The following TIMM29 variants were observed in gnomAD, a reference collection of about 807,000 sequenced individuals.
TIMM29 encodes translocase of inner mitochondrial membrane 29.
TIMM29 carries 23 observed loss-of-function variants against 19.5 expected under a neutral mutation model. The ratio of observed to expected loss-of-function variants is 1.18; its 90% CI spans 0.85 to 1.67. The LOEUF (loss-of-function observed/expected upper bound fraction) is 1.67, where lower values mean the gene tolerates loss of function less well. Among genes scored for constraint, TIMM29 ranks in the 40% most tolerant of loss-of-function variants. The pLI is 0.00. For missense variants in TIMM29, 404 were observed against 384.7 expected, an observed-to-expected ratio of 1.05 and a Z score of -0.42; for synonymous variants, 209 against 185.0, an observed-to-expected ratio of 1.13 and a Z score of -1.05.
Position 10,929,679 on chromosome 19 carries a change from G to T in TIMM29, c.760G>T (p.Val254Leu). 6.2e-7 allele frequency: 1 copy of T among 1,608,760 alleles called. No homozygotes were observed. ...CGCCCTGAGCCAGGCCCACTCGCTG[G>T]TGCAGGCGGAGGCCCCGAGATGAAA... ...RLALSQAHSLVQAEAPR is the reference protein window; with the variant it reads ...RLALSQAHSLLQAEAPR The change falls in exon 2 of 2, where the codon GTG (valine) becomes TTG (leucine). Residue 254 changes from valine (V) to leucine (L), a missense_variant. Transcript: ENST00000270502.
Position 10,929,417 on chromosome 19 carries a change from G to A in TIMM29, c.498G>A (p.Val166=), listed in dbSNP as rs756197771. The change falls in exon 2 of 2, where the codon GTG becomes GTA. Residue 166 remains valine, a synonymous_variant. Transcript: ENST00000270502. ...WTDFPGRVLD[V]GFVGRWWVLG... The stretch of plus-strand genomic sequence containing the variant: ...ACTTCCCCGGCCGGGTCCTGGACGT[G>A]GGCTTCGTGGGTCGCTGGTGGGTGC... 2.9e-5 allele frequency: 47 copies of A among 1,611,146 alleles called. No individual in the cohort carries two copies. In the South Asian group the frequency reaches 4.4e-4, roughly 15 times the overall value.
At position 10,929,471 on chromosome 19, in the gene TIMM29, C is replaced by T; in HGVS notation, c.552C>T (p.Ile184=). ...VLGAWMRDCD[I]NDDEFLHLPA... ...GGGCCTGGATGCGCGACTGCGACAT[C>T]AACGACGACGAATTCCTGCACCTGC... Residue 184 remains isoleucine (I), a synonymous_variant, in exon 2 of 2, where the codon ATC becomes ATT. Transcript: ENST00000270502. 6.2e-7 allele frequency: 1 copy of T among 1,612,972 alleles called. No homozygotes were observed. The highest frequency in any genetic ancestry group is 8.5e-7 in the Non-Finnish European group (1 of 1,180,012).
intron 1 of TIMM29, 30 bp downstream of exon 1, chr19:10,928,946 G>A: frequency 6.7e-7 from 1 of 1,489,032 alleles, no homozygotes; most frequent in African/African-American, 1.5e-5. Context: ...GGCAGGGTGG[G>A]TGGCCGCCGC....
Position 10,929,667 on chromosome 19 carries a change from G to A in TIMM29, c.748G>A (p.Ala250Thr), listed in dbSNP as rs2083479384. The A allele has an allele frequency of 1.2e-6, 2 of 1,611,552 alleles. No individual in the cohort carries two copies. Among genetic ancestry groups the A allele is most frequent in the Non-Finnish European group, 1.7e-6 (2 of 1,179,018 alleles). ...GAAGGACAGGCTCGCCCTGAGCCAG[G>A]CCCACTCGCTGGTGCAGGCGGAGGC... ...EKKDRLALSQ[A>T]HSLVQAEAPR Residue 250 changes from alanine (A) to threonine (T), a missense_variant, in exon 2 of 2, where the codon GCC (alanine) becomes ACC (threonine). By Grantham distance (58) the Ala-to-Thr change is moderately conservative (BLOSUM62 0). Transcript: ENST00000270502.
intron 1 of TIMM29, 25 bp downstream of exon 1, chr19:10,928,941 G>A: frequency 1.3e-6 from 2 of 1,493,180 alleles, no homozygotes; most frequent in South Asian, 1.3e-5. Context: ...AAGGCGGCAG[G>A]GTGGGTGGCC....
Position 10,929,264 on chromosome 19 carries a change from G to T in TIMM29, c.345G>T (p.Trp115Cys), listed in dbSNP as rs1356486486. The change falls in exon 2 of 2, where the codon TGG becomes TGT. Residue 115 changes from tryptophan (W) to cysteine (C), a missense_variant. Trp to Cys is a radical substitution (Grantham distance 215). Coordinates refer to ENST00000270502, the MANE Select transcript of TIMM29 (RefSeq NM_138358.4). ...AAGCCTTCGTGCAGAGGCTGCTCTG[G>T]CTGCGGGGCCGTGGCCGCCTGCGCT... ...ESEAFVQRLL[W>C]LRGRGRLRYV... 1.3e-6 allele frequency: 2 copies of T among 1,536,254 alleles called. No homozygotes were observed. The highest frequency in any genetic ancestry group is 4.9e-5 in the East Asian group (2 of 40,806).
At position 10,929,837 on chromosome 19, in the gene TIMM29, C is replaced by A. The variant is rs1267683313; in HGVS notation, c.*135C>A. 5.2e-6 allele frequency: 5 copies of A among 970,092 alleles called. No individual in the cohort carries two copies. Among genetic ancestry groups the A allele is most frequent in the Admixed American group, 2.9e-5 (1 of 34,280 alleles). The allele number at this position is 970,092 out of a possible 1,614,324, so 60.1% of individuals were successfully genotyped here. ...ACTGGATTTGCACAAGTTTGGGGAG[C>A]CTTTCTGCCCCCCGTCTTTGTTCTT... On this transcript the variant is annotated 3_prime_UTR_variant, in exon 2 of 2. Transcript: ENST00000270502.
chr19:10,929,686 C>T lies in TIMM29; in HGVS notation c.767C>T (p.Ala256Val), dbSNP rs1218331529. 6 of 1,604,378 alleles carry T rather than the reference C, an allele frequency of 3.7e-6. No homozygotes were observed. Among genetic ancestry groups the T allele is most frequent in the Non-Finnish European group, 5.1e-6 (6 of 1,175,060 alleles). ...AGCCAGGCCCACTCGCTGGTGCAGG[C>T]GGAGGCCCCGAGATGAAACCCTGAG... The part of the protein sequence containing the change: ...ALSQAHSLVQ[A>V]EAPR Residue 256 changes from alanine (A) to valine (V), a missense_variant, in exon 2 of 2, where the codon GCG becomes GTG. Coordinates refer to ENST00000270502, the MANE Select transcript of TIMM29 (RefSeq NM_138358.4).
rs1165539959 is a variant in TIMM29 at position 10,929,706 on chromosome 19, C to T, written c.*4C>T. The T allele has an allele frequency of 3.2e-6, 5 of 1,584,548 alleles. No homozygotes were observed. Among genetic ancestry groups the T allele is most frequent in the South Asian group, 2.3e-5 (2 of 88,694 alleles). On this transcript the variant is annotated 3_prime_UTR_variant, in exon 2 of 2. Transcript: ENST00000270502. ...GCAGGCGGAGGCCCCGAGATGAAAC[C>T]CTGAGGCCCCCGAGTCCTGGCAAAC...
Position 10,929,560 on chromosome 19 carries a change from A to G in TIMM29, c.641A>G (p.Asp214Gly). The change falls in exon 2 of 2, where the codon GAT (aspartate) becomes GGT (glycine). Residue 214 changes from aspartate (D) to glycine (G), a missense_variant. Physicochemically the swap from Asp to Gly is moderately conservative, Grantham distance 94. Transcript: ENST00000270502. ...LHSETNERLFDEKYKPVVLTD... is the reference protein window; with the variant it reads ...LHSETNERLFGEKYKPVVLTD... Reference sequence around the variant, plus strand: ...TCCGAGACCAACGAGCGGCTCTTCGATGAGAAGTACAAGCCTGTCGTGCTC... The same window carrying G: ...TCCGAGACCAACGAGCGGCTCTTCGGTGAGAAGTACAAGCCTGTCGTGCTC... 2 of 1,612,974 alleles carry G rather than the reference A, an allele frequency of 1.2e-6. No individual in the cohort carries two copies. Among genetic ancestry groups the G allele is most frequent in the East Asian group, 2.2e-5 (1 of 44,880 alleles).
Position 10,929,853 on chromosome 19 carries a change from C to G in TIMM29, c.*151C>G, listed in dbSNP as rs2083481078. 1 of 876,926 alleles carries G rather than the reference C, an allele frequency of 1.1e-6. No homozygotes were observed. Among genetic ancestry groups the G allele is most frequent in the African/African-American group, 1.7e-5 (1 of 59,150 alleles). The allele number at this position is 876,926 out of a possible 1,614,324, so 54.3% of individuals were successfully genotyped here. A position where few individuals can be genotyped will look rare whatever the true frequency, so the allele number is the denominator to read the frequency against. On this transcript the variant is annotated 3_prime_UTR_variant, in exon 2 of 2. Transcript: ENST00000270502. ...TTTGGGGAGCCTTTCTGCCCCCCGT[C>G]TTTGTTCTTTATTAGCTGAAGCTAA...
rs549144776 is a variant in TIMM29 at position 10,929,308 on chromosome 19, G to C, written c.389G>C (p.Cys130Ser). Residue 130 changes from cysteine (C) to serine (S), a missense_variant, in exon 2 of 2, where the codon TGC becomes TCC. By Grantham distance (112) the Cys-to-Ser change is moderately radical. Transcript: ENST00000270502. ...GRLRYVNLGL[C>S]SLVYEAPFDA... Reference sequence around the variant, plus strand: ...CTGCGCTACGTCAACCTGGGGCTCTGCTCGCTGGTGTACGAGGCGCCCTTC... The same window carrying C: ...CTGCGCTACGTCAACCTGGGGCTCTCCTCGCTGGTGTACGAGGCGCCCTTC... The C allele has an allele frequency of 6.5e-7, 1 of 1,548,914 alleles. No individual in the cohort carries two copies. The highest frequency in any genetic ancestry group is 1.4e-5 in the African/African-American group (1 of 73,472).
At position 10,929,855 on chromosome 19, in the gene TIMM29, TTG is replaced by T. The variant is rs1280198231; in HGVS notation, c.*155_*156del. 9 of 855,642 alleles carry T rather than the reference TTG, an allele frequency of 1.1e-5. No homozygotes were observed. Among genetic ancestry groups the T allele is most frequent in the Non-Finnish European group, 1.6e-5 (9 of 571,894 alleles). 53.0% of individuals were successfully genotyped at this position (855,642 alleles called of 1,614,324 possible). A position where few individuals can be genotyped will look rare whatever the true frequency, so the allele number is the denominator to read the frequency against. The stretch of plus-strand genomic sequence containing the variant: ...TGGGGAGCCTTTCTGCCCCCCGTCT[TTG>T]TTCTTTATTAGCTGAAGCTAATTCA... On this transcript the variant is annotated 3_prime_UTR_variant, in exon 2 of 2. Coordinates refer to ENST00000270502, the MANE Select transcript of TIMM29 (RefSeq NM_138358.4).
Position 10,929,886 on chromosome 19 carries a change from C to A in TIMM29, c.*184C>A. The A allele has an allele frequency of 3.0e-6, 2 of 661,768 alleles. No individual in the cohort carries two copies. Among genetic ancestry groups the A allele is most frequent in the Non-Finnish European group, 5.0e-6 (2 of 398,490 alleles). The allele number at this position is 661,768 out of a possible 1,614,324, so 41.0% of individuals were successfully genotyped here. On this transcript the variant is annotated 3_prime_UTR_variant, in exon 2 of 2. Transcript: ENST00000270502. ...TTTATTAGCTGAAGCTAATTCAGAG[C>A]CACCTGGGTCCGGGAGTTGGGGACA...
rs2083479301 is a variant in TIMM29, at chr19:10,929,662, G to A, written c.743G>A (p.Ser248Asn). ...GAGAAGAAGGACAGGCTCGCCCTGA[G>A]CCAGGCCCACTCGCTGGTGCAGGCG... ...QKEKKDRLAL[S>N]QAHSLVQAEA... Residue 248 changes from serine to asparagine, a missense_variant, in exon 2 of 2, where the codon AGC becomes AAC. Physicochemically the swap from Ser to Asn is conservative, Grantham distance 46. Coordinates refer to ENST00000270502, the MANE Select transcript of TIMM29 (RefSeq NM_138358.4). 1.2e-6 allele frequency: 2 copies of A among 1,612,196 alleles called. No homozygotes were observed. Among genetic ancestry groups the A allele is most frequent in the East Asian group, 4.5e-5 (2 of 44,838 alleles).
In TIMM29 at chr19:10,929,006, C is replaced by T; in HGVS notation, c.95-8C>T. The T allele has an allele frequency of 6.8e-7, 1 of 1,459,906 alleles. No individual in the cohort carries two copies. Among genetic ancestry groups the T allele is most frequent in the Non-Finnish European group, 8.9e-7 (1 of 1,121,496 alleles). The allele number at this position is 1,459,906 out of a possible 1,614,324, so 90.4% of individuals were successfully genotyped here. A position where few individuals can be genotyped will look rare whatever the true frequency, so the allele number is the denominator to read the frequency against. ...CGGATCACTCTTACCGCGCTCCTCT[C>T]CCCTCAGGGTCCTGGGCCCGCGCGC... On this transcript the variant is annotated splice_region_variant and splice_polypyrimidine_tract_variant and intron_variant, in intron 1 of 1. Coordinates refer to ENST00000270502, the MANE Select transcript of TIMM29 (RefSeq NM_138358.4).
At position 10,929,837 on chromosome 19, in the gene TIMM29, C is replaced by T. The variant is rs1267683313; in HGVS notation, c.*135C>T. 2.1e-6 allele frequency: 2 copies of T among 970,092 alleles called. No individual in the cohort carries two copies. Among genetic ancestry groups the T allele is most frequent in the East Asian group, 2.7e-5 (1 of 37,516 alleles). The allele number at this position is 970,092 out of a possible 1,614,324, so 60.1% of individuals were successfully genotyped here. A position where few individuals can be genotyped will look rare whatever the true frequency, so the allele number is the denominator to read the frequency against. On this transcript the variant is annotated 3_prime_UTR_variant, in exon 2 of 2. Coordinates refer to ENST00000270502, the MANE Select transcript of TIMM29 (RefSeq NM_138358.4). ...ACTGGATTTGCACAAGTTTGGGGAGCCTTTCTGCCCCCCGTCTTTGTTCTT... is the reference window on the plus strand; with the variant it reads ...ACTGGATTTGCACAAGTTTGGGGAGTCTTTCTGCCCCCCGTCTTTGTTCTT...
In TIMM29 at chr19:10,929,785, G is replaced by A; in HGVS notation, c.*83G>A. ...TGTGCCTCACCTGCAGAACAGCTGA[G>A]ACAGATGATGTGCAAAGTGTTTTCT... On this transcript the variant is annotated 3_prime_UTR_variant, in exon 2 of 2. Transcript: ENST00000270502. 1 of 1,330,264 alleles carries A rather than the reference G, an allele frequency of 7.5e-7. No individual in the cohort carries two copies. Among genetic ancestry groups the A allele is most frequent in the Non-Finnish European group, 1.0e-6 (1 of 984,488 alleles). 82.4% of individuals were successfully genotyped at this position (1,330,264 alleles called of 1,614,324 possible). A position where few individuals can be genotyped will look rare whatever the true frequency, so the allele number is the denominator to read the frequency against.
chr19:10,928,842 G>A lies in TIMM29; in HGVS notation c.20G>A (p.Arg7Lys), dbSNP rs1273401276. ...AAGAGGATGGCCGCGGCGGCTCTGA[G>A]GAGATTTTGGTCCCGGCGCCGCGCA... MAAAALRRFWSRRRAEA... is the reference protein window; with the variant it reads MAAAALKRFWSRRRAEA... Residue 7 changes from arginine to lysine, a missense_variant, in exon 1 of 2, where the codon AGG becomes AAG. Arg to Lys is a conservative substitution (Grantham distance 26). Transcript: ENST00000270502. The A allele has an allele frequency of 3.3e-6, 5 of 1,526,790 alleles. No individual in the cohort carries two copies. The highest frequency in any genetic ancestry group is 4.4e-6 in the Non-Finnish European group (5 of 1,141,428). The allele number at this position is 1,526,790 out of a possible 1,614,324, so 94.6% of individuals were successfully genotyped here.
Sources: allele counts gnomAD v4.1 joint callset, GRCh38; gene constraint gnomAD v4.1.1; transcripts MANE v1.5; gene names NCBI Gene and HGNC (gene_info 2026-07-23, HGNC 2026-07-21).